The following DNHD1 variants were observed in gnomAD, a reference collection of about 807,000 sequenced individuals.
The protein encoded by DNHD1 is dynein heavy chain domain 1.
Under a neutral mutation model 458.1 loss-of-function variants are expected in DNHD1, and 383 were observed. The observed-to-expected ratio is 0.84, with a 90% CI of 0.77 to 0.91. The LOEUF is 0.91. Ranked by LOEUF, DNHD1 falls within the 40% of genes least tolerant of loss-of-function variation. The pLI is 0.00. For missense variants in DNHD1, 5,336 were observed against 5,866.1 expected, an observed-to-expected ratio of 0.91 and a Z score of 2.95; for synonymous variants, 2,203 against 2,376.9, an observed-to-expected ratio of 0.93 and a Z score of 2.13.
chr11:6,539,717 T>C (rs913955009), intron 17 of DNHD1, among the ~76,000 whole-genome samples, 159 bp from the exon 18 acceptor site: 5 of 152,214 alleles, frequency 3.3e-5, no homozygotes, highest in Non-Finnish European at 7.4e-5. Context: ...GGCCTATCTT[T>C]GAAGCCTGAT....
rs774030181 is a variant in DNHD1 at position 6,559,224 on chromosome 11, C to T, written c.9460C>T (p.His3154Tyr). ...GAATCTGAGAATGCTGATTAAGGAG[C>T]ACGGTACCCATGCCAATCTGATCTT... ...LENLRMLIKE[H>Y]GTHANLIFDL... Residue 3154 changes from histidine (H) to tyrosine (Y), a missense_variant, in exon 28 of 43, where the codon CAC becomes TAC. By Grantham distance (83) the His-to-Tyr change is moderately conservative. This residue lies in a region of DNHD1 where 3,932 missense variants were observed against 4,365.6 expected (regional missense o/e 0.90). Transcript: ENST00000254579. 5.2e-6 allele frequency: 8 copies of T among 1,551,572 alleles called. No individual in the cohort carries two copies. In the South Asian group the frequency reaches 5.9e-5, roughly 12 times the overall value.
In DNHD1 at chr11:6,544,163, T is replaced by G; in HGVS notation, c.3671T>G (p.Val1224Gly). The G allele has an allele frequency of 1.3e-6, 2 of 1,551,652 alleles. No individual in the cohort carries two copies. Among genetic ancestry groups the G allele is most frequent in the Non-Finnish European group, 1.7e-6 (2 of 1,146,958 alleles). Residue 1224 changes from valine (V) to glycine (G), a missense_variant, in exon 19 of 43, where the codon GTG (valine) becomes GGG (glycine). By Grantham distance (109) the Val-to-Gly change is moderately radical. Transcript: ENST00000254579. Reference sequence around the variant, plus strand: ...GATTCCATCCAGGAAAGTCTTCAGGTGTTGTCCAAGATCTTGGCCATCGAA... The same window carrying G: ...GATTCCATCCAGGAAAGTCTTCAGGGGTTGTCCAAGATCTTGGCCATCGAA... ...LQDSIQESLQ[V>G]LSKILAIEKS...
At position 6,505,552 on chromosome 11, in the gene DNHD1, C is replaced by T. The variant is rs1404826491; in HGVS notation, c.920+2626C>T. Among the ~76,000 whole-genome samples the T allele has an allele frequency of 6.6e-6, 1 of 152,206 alleles. No homozygotes were observed. The highest frequency in any genetic ancestry group is 2.4e-5 in the African/African-American group (1 of 41,454). On this transcript the variant is annotated intron_variant, in intron 4 of 42. Coordinates refer to ENST00000254579, the MANE Select transcript of DNHD1 (RefSeq NM_144666.3). This position sits in a 1 kb window ranked among gnomAD's most constrained non-coding sequence, Gnocchi z 4.4. ...ACAGGCGTGAGTCACCGCGCCTGGCCTCGACATCTTTTTAAAAACACATTC... is the reference window on the plus strand; with the variant it reads ...ACAGGCGTGAGTCACCGCGCCTGGCTTCGACATCTTTTTAAAAACACATTC...
chr11:6,546,120 T>TG lies in DNHD1; in HGVS notation c.5183dup (p.Ala1729CysfsTer30). ...CTCAATGCCTGAGCAACTATCTGAA[T>TG]GGTGCCCTGCAGGGTGGTGCCTGGC... On this transcript the variant is annotated frameshift_variant, in exon 21 of 43. Transcript: ENST00000254579. 6.4e-7 allele frequency: 1 copy of TG among 1,551,578 alleles called. No individual in the cohort carries two copies. The highest frequency in any genetic ancestry group is 1.2e-5 in the South Asian group (1 of 84,048).
chr11:6,508,758 T>C (rs1034745956), intron 4 of DNHD1, 122 bp from the exon 5 acceptor site: 187 of 802,788 alleles, frequency 2.3e-4, no homozygotes, highest in Non-Finnish European at 3.1e-4. Flanking sequence ...TCTTTGCCCC[T>C]TTTTCTCCTT....
At position 6,567,782 on chromosome 11, in the gene DNHD1, G is replaced by T; in HGVS notation, c.12273G>T (p.Leu4091Phe). 3.7e-6 allele frequency: 6 copies of T among 1,613,948 alleles called. No homozygotes were observed. Among genetic ancestry groups the T allele is most frequent in the Non-Finnish European group, 5.1e-6 (6 of 1,179,912 alleles). Residue 4091 changes from leucine (L) to phenylalanine (F), a missense_variant, in exon 36 of 43, where the codon TTG (leucine) becomes TTT (phenylalanine). By Grantham distance (22) the Leu-to-Phe change is conservative (BLOSUM62 0). Transcript: ENST00000254579. Reference protein sequence around the residue: ...HSQATQPMLILLPPPGHPSAT... With the variant: ...HSQATQPMLIFLPPPGHPSAT... The stretch of plus-strand genomic sequence containing the variant: ...AGGCTACTCAGCCCATGCTGATCTT[G>T]TTGCCACCGCCTGGCCACCCCTCAG...
intron 24 of DNHD1, among the ~76,000 whole-genome samples, chr11:6,555,316 T>C (rs1290277177): frequency 1.3e-5 from 2 of 152,190 alleles, no homozygotes; most frequent in Non-Finnish European, 2.9e-5. Flanking sequence ...CATTATGCCC[T>C]CCTTGCACAG....
At chr11:6,512,089 G>T (rs1852344059) in intron 7 of DNHD1, among the ~76,000 whole-genome samples, 1 of 152,080 alleles carries the variant, frequency 6.6e-6, no homozygotes, top group South Asian at 2.1e-4. Flanking sequence ...TGCCTGGCTT[G>T]AGCCAGGTTT....
At chr11:6,537,543 G>GAAA (rs35094892) in intron 14 of DNHD1, among the ~76,000 whole-genome samples, 3 of 142,396 alleles carry the variant, frequency 2.1e-5, no homozygotes, top group Non-Finnish European at 3.1e-5. Context: ...AAGTGATAGA[G>GAAA]AAAAAAAAAA....
intron 4 of DNHD1, among the ~76,000 whole-genome samples, chr11:6,507,209 A>G (rs1362096139): frequency 6.6e-6 from 1 of 152,160 alleles, no homozygotes; most frequent in African/African-American, 2.4e-5. Flanking sequence ...AACTTGATAA[A>G]CGGTTTAACT....
intron 14 of DNHD1, among the ~76,000 whole-genome samples, chr11:6,536,528 T>C (rs1187374930): frequency 1.3e-5 from 2 of 152,182 alleles, no homozygotes; most frequent in Non-Finnish European, 2.9e-5. Flanking sequence ...AGCATGTGAA[T>C]GCAAATGATA....
In DNHD1 at chr11:6,556,681, A is replaced by G; in HGVS notation, c.7388-2A>G. The G allele has an allele frequency of 6.5e-7, 1 of 1,539,020 alleles. No individual in the cohort carries two copies. The highest frequency in any genetic ancestry group is 8.8e-7 in the Non-Finnish European group (1 of 1,137,514). On this transcript the variant is annotated splice_acceptor_variant, in intron 24 of 42. Coordinates refer to ENST00000254579, the MANE Select transcript of DNHD1 (RefSeq NM_144666.3). LOFTEE classifies it high-confidence loss of function. ...CTCATTATTATTCCTCATGTCCCATAGACCCAGAGAAGAGCTGCCAGCCAG... is the reference window on the plus strand; with the variant it reads ...CTCATTATTATTCCTCATGTCCCATGGACCCAGAGAAGAGCTGCCAGCCAG...
At chr11:6,513,018 A>C (rs1852378362) in intron 7 of DNHD1, among the ~76,000 whole-genome samples, 1 of 152,142 alleles carries the variant, frequency 6.6e-6, no homozygotes, top group South Asian at 2.1e-4. Context: ...TCCTAAAGCC[A>C]AGGTGCAGGA....
rs1338303150 is a variant in DNHD1, at chr11:6,566,300, C to T, written c.11113C>T (p.Leu3705=). ...LGLGCEELQW[L]LQREQLSPPQ... Reference sequence around the variant, plus strand: ...TCTAGGGTGCGAAGAACTGCAATGGCTGCTGCAACGGGAGCAGCTGAGTCC... The same window carrying T: ...TCTAGGGTGCGAAGAACTGCAATGGTTGCTGCAACGGGAGCAGCTGAGTCC... Residue 3705 remains leucine (L), a synonymous_variant, in exon 34 of 43, where the codon CTG becomes TTG. Coordinates refer to ENST00000254579, the MANE Select transcript of DNHD1 (RefSeq NM_144666.3). 6.4e-7 allele frequency: 1 copy of T among 1,551,744 alleles called. No homozygotes were observed. The highest frequency in any genetic ancestry group is 1.4e-5 in the African/African-American group (1 of 73,028).
chr11:6,544,809 C>A lies in DNHD1; in HGVS notation c.3870C>A (p.Val1290=). The A allele has an allele frequency of 6.4e-7, 1 of 1,551,352 alleles. No homozygotes were observed. Among genetic ancestry groups the A allele is most frequent in the South Asian group, 1.2e-5 (1 of 84,032 alleles). The change falls in exon 21 of 43, where the codon GTC becomes GTA. Residue 1290 remains valine, a synonymous_variant. Transcript: ENST00000254579. ...PNADLNSRFK[V]MDDQYRTLMR... is the part of the protein sequence containing the mutation. ...CACCACAGAACTCTCGTTTCAAGGT[C>A]ATGGATGACCAGTATCGAACCCTGA... is the stretch of plus-strand genomic sequence containing the variant.
At chr11:6,509,403 A>G in intron 6 of DNHD1, 131 bp downstream of exon 6, 1 of 727,488 alleles carries the variant, frequency 1.4e-6, no homozygotes, top group South Asian at 1.9e-5. Flanking sequence ...CCTACCAACC[A>G]CTATGAACAT....
Position 6,547,927 on chromosome 11 carries a change from C to T in DNHD1, c.6792C>T (p.Asn2264=), listed in dbSNP as rs922033285. ...GGTCTTCAAAAAGCAGCTTTCTAAA[C>T]CGGTCCCAGGTTGACAGTGACGATG... ...SFRSSKSSFL[N]RSQVDSDDVP... The change falls in exon 22 of 43, where the codon AAC becomes AAT. Residue 2264 remains asparagine (N), a synonymous_variant. Transcript: ENST00000254579. 7.7e-6 allele frequency: 12 copies of T among 1,551,788 alleles called. No homozygotes were observed. Among genetic ancestry groups the T allele is most frequent in the Non-Finnish European group, 1.0e-5 (12 of 1,147,054 alleles).
In DNHD1 at chr11:6,546,931, A is replaced by C; in HGVS notation, c.5992A>C (p.Lys1998Gln). Residue 1998 changes from lysine to glutamine, a missense_variant, in exon 21 of 43, where the codon AAG (lysine) becomes CAG (glutamine). Lys to Gln is a moderately conservative substitution (Grantham distance 53, BLOSUM62 1). Around this residue, in one of 4 missense-constraint regions of DNHD1, gnomAD observed 3,932 missense variants for 4,365.6 expected, o/e 0.90. Coordinates refer to ENST00000254579, the MANE Select transcript of DNHD1 (RefSeq NM_144666.3). ...ILLLGPAGSG[K>Q]TTCWHSLFKI... ...GCTCCTGGGCCCTGCGGGCAGCGGC[A>C]AGACCACTTGTTGGCACAGCTTATT... 6.4e-7 allele frequency: 1 copy of C among 1,551,586 alleles called. No individual in the cohort carries two copies. The highest frequency in any genetic ancestry group is 8.7e-7 in the Non-Finnish European group (1 of 1,146,910).
Position 6,558,594 on chromosome 11 carries a change from A to G in DNHD1, c.9112A>G (p.Thr3038Ala), listed in dbSNP as rs1307882884. The G allele has an allele frequency of 1.9e-6, 3 of 1,551,726 alleles. No individual in the cohort carries two copies. Among genetic ancestry groups the G allele is most frequent in the East Asian group, 4.9e-5 (2 of 40,920 alleles). The stretch of plus-strand genomic sequence containing the variant: ...TTTCCTGAGGCTCCTTCAACTGGCC[A>G]CTGCCAGCATTGACCGCTATGAACC... ...TLFLRLLQLA[T>A]ASIDRYEPWD... The change falls in exon 26 of 43, where the codon ACT becomes GCT. Residue 3038 changes from threonine to alanine, a missense_variant. Physicochemically the swap from Thr to Ala is moderately conservative, Grantham distance 58 (BLOSUM62 0). Around this residue, in one of 4 missense-constraint regions of DNHD1, gnomAD observed 3,932 missense variants for 4,365.6 expected, o/e 0.90. Coordinates refer to ENST00000254579, the MANE Select transcript of DNHD1 (RefSeq NM_144666.3).
Sources: allele counts gnomAD v4.1 joint callset (sites outside exome capture counted in the v4.1 genomes callset), GRCh38; gene constraint gnomAD v4.1.1; regional missense constraint gnomAD v4.1.1; non-coding constraint Gnocchi (gnomAD v3.1); transcripts MANE v1.5; gene names NCBI Gene and HGNC (gene_info 2026-07-23, HGNC 2026-07-21).